Variants in NFIA observed in about 807,000 individuals in gnomAD.
NFIA encodes nuclear factor I A.
In NFIA, 8 loss-of-function variants were observed where a neutral mutation model predicts 62.8. The ratio of observed to expected loss-of-function variants is 0.13; its 90% confidence interval spans 0.07 to 0.23. NFIA has a LOEUF of 0.23. Ranked by LOEUF, NFIA falls within the 10% of genes least tolerant of loss-of-function variation. The pLI is 1.00. For synonymous variants in NFIA, 235 were observed against 238.1 expected, an observed-to-expected ratio of 0.99 and a Z score of 0.12; for missense variants, 410 against 642.1, an observed-to-expected ratio of 0.64 and a Z score of 3.91.
At chr1:61,203,177 G>A (rs540000992) in intron 2 of NFIA, among the ~76,000 whole-genome samples, 6 of 152,150 alleles carry the variant, frequency 3.9e-5, no homozygotes, top group African/African-American at 1.4e-4. Flanking sequence ...GGTGTCTATG[G>A]TTTCACTTTT....
At chr1:61,189,562 G>A (rs542804315) in intron 2 of NFIA, among the ~76,000 whole-genome samples, 1 of 152,244 alleles carries the variant, frequency 6.6e-6, no homozygotes, top group African/African-American at 2.4e-5. Flanking sequence ...CTACTCGGGA[G>A]GCTGAGGCAG....
chr1:61,321,996 G>A (rs1660703324), intron 3 of NFIA, among the ~76,000 whole-genome samples: 1 of 152,112 alleles, frequency 6.6e-6, no homozygotes, highest in African/African-American at 2.4e-5. Context: ...ATTAGACTGG[G>A]TAATTAAGTC....
intron 2 of NFIA, among the ~76,000 whole-genome samples, chr1:61,109,293 A>T (rs977954820): frequency 6.6e-6 from 1 of 151,852 alleles, no homozygotes; most frequent in Non-Finnish European, 1.5e-5. Flanking sequence ...TGATTAATGT[A>T]CGAGAAGTCC....
chr1:61,154,776 A>T (rs755966056), intron 2 of NFIA, among the ~76,000 whole-genome samples: 5 of 152,224 alleles, frequency 3.3e-5, no homozygotes, highest in Non-Finnish European at 7.3e-5. Context: ...AATAGAGCAG[A>T]TGAAAGATCT....
intron 2 of NFIA, among the ~76,000 whole-genome samples, chr1:61,113,677 G>C (rs527244932): frequency 4.6e-5 from 7 of 152,098 alleles, no homozygotes; most frequent in East Asian, 3.9e-4. Context: ...CATTTGGAAG[G>C]CTTCTTGGGT....
chr1:61,325,419 A>G (rs1660879597), intron 3 of NFIA, among the ~76,000 whole-genome samples: 2 of 152,104 alleles, frequency 1.3e-5, no homozygotes, highest in Admixed American at 1.3e-4. Flanking sequence ...TTTTTCCATC[A>G]TTTCTTAGGT....
intron 10 of NFIA, among the ~76,000 whole-genome samples, chr1:61,441,840 T>G (rs1215395398): frequency 6.6e-6 from 1 of 152,098 alleles, no homozygotes; most frequent in African/African-American, 2.4e-5. Flanking sequence ...CCCAAACATT[T>G]TTTTCCTGTC....
chr1:61,151,809 A>AC (rs1648436223), intron 2 of NFIA, among the ~76,000 whole-genome samples: 2 of 152,114 alleles, frequency 1.3e-5, no homozygotes, highest in Admixed American at 6.5e-5. Flanking sequence ...GATGAGTTAG[A>AC]CCACCCAGGG....
At chr1:61,106,712 A>G (rs1431958712) in intron 2 of NFIA, among the ~76,000 whole-genome samples, 5 of 151,632 alleles carry the variant, frequency 3.3e-5, no homozygotes, top group African/African-American at 4.8e-5. Flanking sequence ...CTTATAACAC[A>G]TAGTATGAAC....
chr1:61,082,077 G>A, upstream of NFIA: 2 of 1,533,774 alleles, frequency 1.3e-6, 1 homozygote, highest in South Asian at 2.4e-5. Flanking sequence ...GGGGGTGGGG[G>A]GATGGGGACG....
rs1473296282 is a variant in NFIA, at chr1:61,455,209, C to T, written c.1513-94C>T. 2.2e-5 allele frequency: 29 copies of T among 1,333,510 alleles called. No homozygotes were observed. In the East Asian group the frequency reaches 2.3e-4, roughly 11 times the overall value. 82.6% of individuals were successfully genotyped at this position (1,333,510 alleles called of 1,614,324 possible). A position where few individuals can be genotyped will look rare whatever the true frequency, so the allele number is the denominator to read the frequency against. On this transcript the variant is annotated intron_variant, in intron 10 of 10. Coordinates refer to ENST00000403491, the MANE Select transcript of NFIA (RefSeq NM_001134673.4). ...CAGCGAATCCCTCCCGCATCCCTAA[C>T]GTAGATCCTGATTTCGTGGTTGAAA... is the stretch of plus-strand genomic sequence containing the variant.
intron 3 of NFIA, among the ~76,000 whole-genome samples, chr1:61,290,150 A>G (rs1332144193): frequency 6.6e-6 from 1 of 151,960 alleles, no homozygotes; most frequent in African/African-American, 2.4e-5. Flanking sequence ...TTTTTAAACA[A>G]TGGACTGAGT....
At chr1:61,306,059 C>T (rs1268392924) in intron 3 of NFIA, among the ~76,000 whole-genome samples, 1 of 151,462 alleles carries the variant, frequency 6.6e-6, no homozygotes, top group Non-Finnish European at 1.5e-5. Flanking sequence ...ACCGTGTTAG[C>T]CAGGATGGTC....
intron 1 of NFIA, among the ~76,000 whole-genome samples, chr1:61,083,364 T>A (rs574818948): frequency 1.4e-3 from 219 of 152,184 alleles, no homozygotes; most frequent in African/African-American, 4.8e-3. Flanking sequence ...CCCCGCAGCC[T>A]GCGCTGCCGC....
chr1:61,248,097 C>T (rs890503849), intron 2 of NFIA, among the ~76,000 whole-genome samples: 1 of 152,070 alleles, frequency 6.6e-6, no homozygotes, highest in African/African-American at 2.4e-5. Context: ...TTACCAAGCC[C>T]TTCTATGTCA....
intron 2 of NFIA, among the ~76,000 whole-genome samples, chr1:61,119,877 C>G (rs1399104493): frequency 2.6e-5 from 4 of 152,164 alleles, no homozygotes; most frequent in Admixed American, 2.0e-4. Flanking sequence ...AGCCTTGCCT[C>G]TGTATGCCCT....
intron 2 of NFIA, among the ~76,000 whole-genome samples, chr1:61,197,762 A>C (rs553115556): frequency 6.6e-6 from 1 of 151,790 alleles, no homozygotes; most frequent in East Asian, 2.0e-4. Context: ...CAGGCAGATC[A>C]CCAGGTCAGG....
intron 7 of NFIA, among the ~76,000 whole-genome samples, chr1:61,389,051 C>T (rs1664839711): frequency 6.6e-6 from 1 of 152,082 alleles, no homozygotes; most frequent in Non-Finnish European, 1.5e-5. Flanking sequence ...GAATTTGAGG[C>T]TGCAGTGAGC....
At chr1:61,446,790 A>G (rs1667830557) in intron 10 of NFIA, among the ~76,000 whole-genome samples, 1 of 152,216 alleles carries the variant, frequency 6.6e-6, no homozygotes, top group African/African-American at 2.4e-5. Context: ...TTCCTGCACA[A>G]TCCACACTAA....
Sources: allele counts gnomAD v4.1 joint callset (sites outside exome capture counted in the v4.1 genomes callset), GRCh38; gene constraint gnomAD v4.1.1; transcripts MANE v1.5; gene names NCBI Gene and HGNC (gene_info 2026-07-23, HGNC 2026-07-21).